Variants in RAI1 observed in about 807,000 individuals in gnomAD.
RAI1 encodes the protein retinoic acid induced 1, also known as retinoic acid-induced protein 1.
Under a neutral mutation model 123.8 loss-of-function variants are expected in RAI1, and 9 were observed. That is an observed-to-expected ratio of 0.07 (90% CI 0.04 to 0.13). RAI1 has a LOEUF of 0.13. Ranked by LOEUF, RAI1 falls within the 10% of genes least tolerant of loss-of-function variation. The probability of loss-of-function intolerance (pLI) is 1.00; values close to 1 mark genes in which losing one functional copy is unlikely to be tolerated. For synonymous variants in RAI1, 1,231 were observed against 1,127.3 expected (o/e 1.09, Z -1.84); for missense variants, 2,256 against 2,545.8 (o/e 0.89, Z 2.45).
chr17:17,803,832 C>T lies in RAI1; in HGVS notation c.5642C>T (p.Pro1881Leu), dbSNP rs755875722. 79 of 1,613,316 alleles carry T rather than the reference C, an allele frequency of 4.9e-5. No individual in the cohort carries two copies. The highest frequency in any genetic ancestry group is 1.2e-4 in the Admixed American group (7 of 60,006). ...HKGCLHTYHY[P>L]CASDAGCIFI... ...GGATGCCTCCACACCTACCACTACC[C>T]GTGTGCCAGCGATGCAGGTACGAGC... The change falls in exon 4 of 6, where the codon CCG (proline) becomes CTG (leucine). Residue 1881 changes from proline to leucine, a missense_variant. Transcript: ENST00000353383.
Position 17,792,942 on chromosome 17 carries a change from C to T in RAI1, c.-7C>T, listed in dbSNP as rs2032074856. The T allele has an allele frequency of 1.2e-6, 2 of 1,603,200 alleles. No homozygotes were observed. Among genetic ancestry groups the T allele is most frequent in the East Asian group, 4.5e-5 (2 of 44,456 alleles). On this transcript the variant is annotated 5_prime_UTR_variant, in exon 3 of 6. Transcript: ENST00000353383. ...CTTTTTCTTTTCACAGATAACCAGC[C>T]CGAGTCATGCAGTCTTTTCGAGAAA...
chr17:17,778,042 C>T (rs527810059), intron 2 of RAI1: 1 of 152,324 alleles, frequency 6.6e-6, no homozygotes, highest in African/African-American at 2.4e-5. Flanking sequence ...TCTTGCCGTA[C>T]CAGCTGCGGT....
intron 2 of RAI1, among the ~76,000 whole-genome samples, chr17:17,769,749 G>A (rs1320026943): frequency 6.6e-6 from 1 of 152,206 alleles, no homozygotes; most frequent in Non-Finnish European, 1.5e-5. Context: ...AGCAAGCAAG[G>A]CCTGTGGGGC....
chr17:17,801,623 T>G lies in RAI1; in HGVS notation c.5566-2133T>G, dbSNP rs958005480. 2.6e-5 allele frequency among the ~76,000 whole-genome samples: 4 copies of G among 152,236 alleles called. No individual in the cohort carries two copies. The highest frequency in any genetic ancestry group is 5.9e-5 in the Non-Finnish European group (4 of 68,032). ...AGATCTCCAGGAGGCCATCCCAGAC[T>G]AGGCGGGAAGGAGGCCTCAGCCCTG... On this transcript the variant is annotated intron_variant, in intron 3 of 5. Coordinates refer to ENST00000353383, the MANE Select transcript of RAI1 (RefSeq NM_030665.4). The surrounding 1 kb of genome is among the most constrained non-coding windows in gnomAD (Gnocchi z 4.1).
chr17:17,714,239 C>T lies in RAI1; in HGVS notation c.-148-9789C>T, dbSNP rs1057096794. On this transcript the variant is annotated intron_variant, in intron 1 of 5. Coordinates refer to ENST00000353383, the MANE Select transcript of RAI1 (RefSeq NM_030665.4). The surrounding 1 kb of genome is among the most constrained non-coding windows in gnomAD (Gnocchi z 4.9). Reference sequence around the variant, plus strand: ...TTTCTGGGTCTGCAGAAGGGGGCTCCCAGGCCTCTCCCTGCCTACCTTGGC... The same window carrying T: ...TTTCTGGGTCTGCAGAAGGGGGCTCTCAGGCCTCTCCCTGCCTACCTTGGC... 7.9e-5 allele frequency among the ~76,000 whole-genome samples: 12 copies of T among 152,046 alleles called. No homozygotes were observed. The highest frequency in any genetic ancestry group is 1.5e-4 in the Non-Finnish European group (10 of 67,994).
At chr17:17,694,471 G>A (rs1157627724) in intron 1 of RAI1, among the ~76,000 whole-genome samples, 1 of 152,182 alleles carries the variant, frequency 6.6e-6, no homozygotes, top group Non-Finnish European at 1.5e-5. Context: ...GGAGGGCCCG[G>A]GCCTCGAGGA....
intron 2 of RAI1, among the ~76,000 whole-genome samples, chr17:17,758,816 G>T (rs551956999): frequency 1.3e-5 from 2 of 152,200 alleles, no homozygotes; most frequent in Non-Finnish European, 1.5e-5. Context: ...GAACAGGGGA[G>T]GGTCTGTGTG....
intron 2 of RAI1, among the ~76,000 whole-genome samples, chr17:17,741,531 G>A (rs772690509): frequency 6.6e-6 from 1 of 152,216 alleles, no homozygotes; most frequent in African/African-American, 2.4e-5. Context: ...TGCGGGACTC[G>A]TCCTCGGCTC....
chr17:17,726,665 C>T (rs1279310589), intron 2 of RAI1, among the ~76,000 whole-genome samples: 5 of 151,946 alleles, frequency 3.3e-5, no homozygotes, highest in African/African-American at 1.2e-4. Context: ...AGCATCTAGC[C>T]CTTGTGGTTT....
At chr17:17,742,603 A>G (rs114429454) in intron 2 of RAI1, among the ~76,000 whole-genome samples, 2,780 of 152,312 alleles carry the variant, frequency 0.018, 84 homozygotes, top group African/African-American at 0.063. Flanking sequence ...CTTTTAACAA[A>G]TAATATGCAC....
chr17:17,735,673 CTCAT>C (rs1916411648), intron 2 of RAI1, among the ~76,000 whole-genome samples: 1 of 152,190 alleles, frequency 6.6e-6, no homozygotes. Context: ...TGCACTTCCT[CTCAT>C]TCAGAAGTGA....
chr17:17,700,404 G>T (rs1418519923), intron 1 of RAI1, among the ~76,000 whole-genome samples: 1 of 151,702 alleles, frequency 6.6e-6, no homozygotes, highest in Non-Finnish European at 1.5e-5. Context: ...GGGCTCCAGC[G>T]GCCGCGCCCC....
At chr17:17,707,030 G>A (rs746282109) in intron 1 of RAI1, among the ~76,000 whole-genome samples, 29 of 152,310 alleles carry the variant, frequency 1.9e-4, no homozygotes, top group African/African-American at 2.6e-4. Flanking sequence ...AGCTAATGAC[G>A]AGCAATCTGG....
Position 17,681,533 on chromosome 17 carries a change from G to T in RAI1, c.-409G>T. On this transcript the variant is annotated 5_prime_UTR_variant, in exon 1 of 6. Transcript: ENST00000353383. ...GCCAAGGCCCGCTCCCCGCGTCCCC[G>T]GGCGCCGCCCCCGCCCGCGGCTGGG... 1 of 177,706 alleles carries T rather than the reference G, an allele frequency of 5.6e-6. No individual in the cohort carries two copies. Among genetic ancestry groups the T allele is most frequent in the South Asian group, 2.0e-4 (1 of 5,124 alleles). 11.0% of individuals were successfully genotyped at this position (177,706 alleles called of 1,614,324 possible). A position where few individuals can be genotyped will look rare whatever the true frequency, so the allele number is the denominator to read the frequency against.
At chr17:17,746,955 CCTT>C (rs1235169189) in intron 2 of RAI1, among the ~76,000 whole-genome samples, 3 of 152,150 alleles carry the variant, frequency 2.0e-5, no homozygotes, top group Non-Finnish European at 4.4e-5. Flanking sequence ...TCTGAGGACT[CCTT>C]CATTATTTCA....
chr17:17,774,957 C>G (rs566547782), intron 2 of RAI1, among the ~76,000 whole-genome samples: 1 of 152,178 alleles, frequency 6.6e-6, no homozygotes, highest in South Asian at 2.1e-4. Flanking sequence ...AGACAGGGAG[C>G]CTCCCTACCA....
chr17:17,737,690 G>A (rs1396692105), intron 2 of RAI1, among the ~76,000 whole-genome samples: 2 of 152,028 alleles, frequency 1.3e-5, no homozygotes, highest in Non-Finnish European at 2.9e-5. Context: ...GATACCTGAG[G>A]GTGGCCTTAT....
At chr17:17,768,977 A>G (rs769669559) in intron 2 of RAI1, among the ~76,000 whole-genome samples, 6 of 152,314 alleles carry the variant, frequency 3.9e-5, no homozygotes, top group Non-Finnish European at 8.8e-5. Context: ...TGGGGGGCAG[A>G]TGAAGCCGTG....
At chr17:17,804,840 T>TTTTATTTATTTATTTATTTA (rs575206893) in intron 4 of RAI1, among the ~76,000 whole-genome samples, 4 of 149,464 alleles carry the variant, frequency 2.7e-5, no homozygotes, top group African/African-American at 1.0e-4. Flanking sequence ...GTGTTTTTAT[T>TTTTATTTATTTATTTATTTA]TTTATTTATT....
Sources: gnomAD v4.1 joint callset for allele counts (sites outside exome capture counted in the v4.1 genomes callset) on GRCh38, gnomAD v4.1.1 for gene constraint, Gnocchi (gnomAD v3.1) non-coding constraint, MANE v1.5 for transcripts, NCBI Gene and HGNC (gene_info 2026-07-23, HGNC 2026-07-21) for gene names.